Variants in DYNC2H1 observed in about 807,000 individuals in gnomAD.
DYNC2H1 encodes dynein cytoplasmic 2 heavy chain 1, also known as cytoplasmic dynein 2 heavy chain 1.
A neutral mutation model predicts 570.0 loss-of-function variants in DYNC2H1; 410 were observed. That is an observed-to-expected ratio of 0.72 (90% CI 0.66 to 0.78). The LOEUF is 0.78. Ranked by LOEUF, DYNC2H1 falls within the 30% of genes least tolerant of loss-of-function variation. The pLI is 0.00. For missense variants in DYNC2H1, 4,865 were observed against 5,046.4 expected, an observed-to-expected ratio of 0.96 and a Z score of 1.09; for synonymous variants, 1,688 against 1,677.6, an observed-to-expected ratio of 1.01 and a Z score of -0.15.
chr11:103,290,861 GA>G (rs1198663696), intron 75 of DYNC2H1, among the ~76,000 whole-genome samples: 1 of 152,132 alleles, frequency 6.6e-6, no homozygotes, highest in Admixed American at 6.6e-5. Flanking sequence ...AGCTTATGAT[GA>G]AAGGAGAAAG....
chr11:103,169,222 A>G (rs1235825783), intron 32 of DYNC2H1, among the ~76,000 whole-genome samples: 1 of 152,174 alleles, frequency 6.6e-6, no homozygotes, highest in African/African-American at 2.4e-5. Flanking sequence ...GCATTTATAT[A>G]CAATTTGAAA....
chr11:103,115,412 T>A, intron 4 of DYNC2H1, 117 bp downstream of exon 4: 1 of 600,354 alleles, frequency 1.7e-6, no homozygotes, highest in Non-Finnish European at 2.8e-6. Context: ...CAAAATAGAT[T>A]CTTTATATGG....
intron 87 of DYNC2H1, among the ~76,000 whole-genome samples, chr11:103,459,743 G>A (rs1944938721): frequency 6.6e-6 from 1 of 151,460 alleles, no homozygotes; most frequent in African/African-American, 2.4e-5. Flanking sequence ...ATGAGGTCAG[G>A]AGATCGAGAC....
intron 52 of DYNC2H1, among the ~76,000 whole-genome samples, chr11:103,208,566 G>T (rs1863027465): frequency 6.6e-6 from 1 of 152,028 alleles, no homozygotes; most frequent in African/African-American, 2.4e-5. Context: ...CATTGTAGTG[G>T]GAAATATCAT....
intron 84 of DYNC2H1, chr11:103,402,216 G>A (rs1942672682): frequency 6.6e-6 from 1 of 152,172 alleles, no homozygotes; most frequent in Admixed American, 6.6e-5. Flanking sequence ...CTAAGGGGTT[G>A]AGGGGAAAAA....
At chr11:103,457,083 C>T (rs192911935) in intron 87 of DYNC2H1, among the ~76,000 whole-genome samples, 189 of 152,222 alleles carry the variant, frequency 1.2e-3, no homozygotes, top group Non-Finnish European at 2.2e-3. Flanking sequence ...TCATATTGCC[C>T]GGTGACGTCT....
chr11:103,199,429 A>G lies in DYNC2H1; in HGVS notation c.8041A>G (p.Ile2681Val), dbSNP rs201540484. ...TGGAGCGGTCCTGTTTTCTCCAAAG[A>G]TTTCCAGAGGATATGAACTGAAGCA... ...MHGAVLFSPK[I>V]SRGYELKQFK... The change falls in exon 49 of 89, where the codon ATT becomes GTT. Residue 2681 changes from isoleucine to valine, a missense_variant. By Grantham distance (29) the Ile-to-Val change is conservative. Coordinates refer to ENST00000375735, the MANE Select transcript of DYNC2H1 (RefSeq NM_001377.3). This position sits in a 1 kb window ranked among gnomAD's most constrained non-coding sequence, Gnocchi z 4.6. The G allele has an allele frequency of 1.0e-4, 163 of 1,611,860 alleles. No individual in the cohort carries two copies. Among genetic ancestry groups the G allele is most frequent in the Non-Finnish European group, 1.3e-4 (158 of 1,178,954 alleles).
At chr11:103,347,274 C>A (rs1939789933) in intron 82 of DYNC2H1, among the ~76,000 whole-genome samples, 1 of 152,094 alleles carries the variant, frequency 6.6e-6, no homozygotes, top group Admixed American at 6.6e-5. Flanking sequence ...TAATACATAA[C>A]AATTTATGAC....
chr11:103,197,867 A>G (rs1399232126), intron 47 of DYNC2H1, 66 bp from the exon 48 acceptor site: 4 of 1,484,302 alleles, frequency 2.7e-6, no homozygotes, highest in Non-Finnish European at 3.6e-6. Flanking sequence ...TTTAGTAGGC[A>G]ATGTATTTGT....
intron 70 of DYNC2H1, among the ~76,000 whole-genome samples, chr11:103,279,470 T>TC: frequency 6.6e-6 from 1 of 152,270 alleles, no homozygotes; most frequent in South Asian, 2.1e-4. Flanking sequence ...CGACTTTGTT[T>TC]CTTCCTTCTT....
chr11:103,191,281 G>T (rs1476990208), intron 45 of DYNC2H1, among the ~76,000 whole-genome samples: 1 of 151,772 alleles, frequency 6.6e-6, no homozygotes, highest in African/African-American at 2.4e-5. Flanking sequence ...CTCGTGATCT[G>T]CCCCCACTCA....
Position 103,121,453 on chromosome 11 carries a change from A to G in DYNC2H1, c.1442A>G (p.Glu481Gly). ...CCACTTTCTGGCAAAAATCTTTCAG[A>G]AGTTGTCAACAGTATAGTTTGGGTT... ...SGPLSGKNLS[E>G]VVNSIVWVRQ... Residue 481 changes from glutamate to glycine, a missense_variant, in exon 10 of 89, where the codon GAA (glutamate) becomes GGA (glycine). Glu to Gly is a moderately conservative substitution (Grantham distance 98, BLOSUM62 -2). Coordinates refer to ENST00000375735, the MANE Select transcript of DYNC2H1 (RefSeq NM_001377.3). 1.9e-6 allele frequency: 3 copies of G among 1,613,542 alleles called. No individual in the cohort carries two copies. In the South Asian group the frequency reaches 3.3e-5, roughly 18 times the overall value.
Position 103,173,138 on chromosome 11 carries a change from T to A in DYNC2H1, c.5391T>A (p.Gly1797=), listed in dbSNP as rs944348144. The part of the protein sequence containing the change: ...IFITMNPAGK[G]YGGRQKLPDN... Reference sequence around the variant, plus strand: ...TCACTATGAATCCTGCTGGAAAAGGTTATGGAGGAAGACAAAAACTGCCTG... The same window carrying A: ...TCACTATGAATCCTGCTGGAAAAGGATATGGAGGAAGACAAAAACTGCCTG... Residue 1797 remains glycine, a synonymous_variant, in exon 35 of 89, where the codon GGT becomes GGA. Coordinates refer to ENST00000375735, the MANE Select transcript of DYNC2H1 (RefSeq NM_001377.3). 2 of 1,542,518 alleles carry A rather than the reference T, an allele frequency of 1.3e-6. 1 individual carries two copies. The highest frequency in any genetic ancestry group is 3.4e-4 in the Middle Eastern group (2 of 5,910).
At position 103,192,174 on chromosome 11, in the gene DYNC2H1, G is replaced by T; in HGVS notation, c.7618G>T (p.Val2540Phe). Residue 2540 changes from valine to phenylalanine, a missense_variant, in exon 47 of 89, where the codon GTT becomes TTT. Physicochemically the swap from Val to Phe is conservative, Grantham distance 50 (BLOSUM62 -1). This residue lies in a region of DYNC2H1 where 2,401 missense variants were observed against 2,454.6 expected (regional missense o/e 0.98). Transcript: ENST00000375735. ...EARRLFRDKI[V>F]GAKELHLFDI... is the part of the protein sequence containing the mutation. The stretch of plus-strand genomic sequence containing the variant: ...ACGGCGCTTATTTCGTGACAAAATT[G>T]TTGGTGCAAAGGAACTTCATTTATT... 1 of 1,584,710 alleles carries T rather than the reference G, an allele frequency of 6.3e-7. No homozygotes were observed.
chr11:103,281,663 T>G (rs1425811326), intron 71 of DYNC2H1, among the ~76,000 whole-genome samples: 1 of 151,280 alleles, frequency 6.6e-6, no homozygotes, highest in Non-Finnish European at 1.5e-5. Context: ...GGGGAAGGTG[T>G]AGATTTTCTT....
Position 103,324,026 on chromosome 11 carries a change from T to C in DYNC2H1, c.12039+36T>C, listed in dbSNP as rs750240650. On this transcript the variant is annotated intron_variant, in intron 82 of 88. Transcript: ENST00000375735. The surrounding 1 kb of genome is among the most constrained non-coding windows in gnomAD (Gnocchi z 5.2). ...AAAAAGATCTACCTTCAAAAAAAGT[T>C]GCTAGTGAGCCTGAAGGAGACAAAA... 1.3e-6 allele frequency: 2 copies of C among 1,540,784 alleles called. No homozygotes were observed. Among genetic ancestry groups the C allele is most frequent in the South Asian group, 2.6e-5 (2 of 77,874 alleles).
intron 60 of DYNC2H1, among the ~76,000 whole-genome samples, chr11:103,232,568 T>C (rs1414651136): frequency 2.0e-5 from 3 of 152,034 alleles, no homozygotes; most frequent in Non-Finnish European, 4.4e-5. Context: ...CTTATACTGA[T>C]CCTTAATTAA....
At chr11:103,344,727 A>T (rs550714922) in intron 82 of DYNC2H1, among the ~76,000 whole-genome samples, 3 of 152,158 alleles carry the variant, frequency 2.0e-5, no homozygotes, top group Non-Finnish European at 4.4e-5. Context: ...ATTTATGTGT[A>T]TTCTTCTGAT....
At chr11:103,147,014 ATATT>A (rs1237255621) in intron 18 of DYNC2H1, among the ~76,000 whole-genome samples, 2 of 152,154 alleles carry the variant, frequency 1.3e-5, no homozygotes, top group African/African-American at 4.8e-5. Context: ...TGCCATTTCT[ATATT>A]TATCTTGTTT....
Sources: gnomAD v4.1 joint callset for allele counts (sites outside exome capture counted in the v4.1 genomes callset) on GRCh38, gnomAD v4.1.1 for gene constraint, gnomAD v4.1.1 regional missense constraint, Gnocchi (gnomAD v3.1) non-coding constraint, MANE v1.5 for transcripts, NCBI Gene and HGNC (gene_info 2026-07-23, HGNC 2026-07-21) for gene names.